Variants in SLC35A2 observed in about 807,000 individuals in gnomAD.
SLC35A2 encodes the protein solute carrier family 35 member A2.
In SLC35A2, 1 loss-of-function variant was observed where a neutral mutation model predicts 17.3. The ratio of observed to expected loss-of-function variants is 0.06; its 90% confidence interval spans 0.02 to 0.27. The LOEUF is 0.27. Ranked by LOEUF, SLC35A2 falls within the 10% of genes least tolerant of loss-of-function variation. The pLI, the probability that SLC35A2 is intolerant of heterozygous loss-of-function variation, is 1.00. For missense variants in SLC35A2, 191 were observed against 339.3 expected, an observed-to-expected ratio of 0.56 and a Z score of 3.43; for synonymous variants, 161 against 161.3, an observed-to-expected ratio of 1.00 and a Z score of 0.01.
At chrX:48,908,777 T>A in intron 2 of SLC35A2, among the ~76,000 whole-genome samples, 1 of 112,355 alleles carries the variant, frequency 8.9e-6, no homozygotes, top group East Asian at 2.8e-4. Context: ...AGGTCTCTTG[T>A]TAACCTGGAG....
chrX:48,910,214 C>T (rs1179916101), intron 1 of SLC35A2: 3 of 1,098,109 alleles, frequency 2.7e-6, no homozygotes, highest in Non-Finnish European at 3.7e-6. Flanking sequence ...AAATGGGCCC[C>T]ACCCTGTCCC....
In SLC35A2 at chrX:48,904,638, C is replaced by T. The variant is rs2063472088; in HGVS notation, c.1163+108G>A. ...ATCTCCCAAACCCAGAGGAGCCAGG[C>T]CCCGGAGGGTGGCGACTTGGGTCCT... is the stretch of plus-strand genomic sequence containing the variant. On this transcript the variant is annotated intron_variant, in intron 4 of 4. Coordinates refer to ENST00000247138, the MANE Select transcript of SLC35A2 (RefSeq NM_005660.3). 4 of 1,207,619 alleles carry T rather than the reference C, an allele frequency of 3.3e-6. No homozygotes were observed. The East Asian group carries it at 8.9e-5, about 27-fold the overall frequency.
In SLC35A2 at chrX:48,911,557, G is replaced by A. The variant is rs1557044056; in HGVS notation, c.80C>T (p.Thr27Ile). 2 of 1,162,448 alleles carry A rather than the reference G, an allele frequency of 1.7e-6. No homozygotes were observed. Among genetic ancestry groups the A allele is most frequent in the African/African-American group, 1.8e-5 (1 of 56,594 alleles). ...AVSAGALEPGTASAAHRRLKY... is the reference protein window; with the variant it reads ...AVSAGALEPGIASAAHRRLKY... ...GCAGACTGTCTCACCCGCACTGGCG[G>A]TCCCCGGCTCCAATGCACCCGCGGA... Residue 27 changes from threonine (T) to isoleucine (I), a missense_variant, in exon 1 of 5, where the codon ACC (threonine) becomes ATC (isoleucine). Thr to Ile is a moderately conservative substitution (Grantham distance 89, BLOSUM62 -1). This residue lies in a region of SLC35A2 where 164 missense variants were observed against 315.3 expected (regional missense o/e 0.52). Transcript: ENST00000247138.
chrX:48,905,805 T>G, intron 3 of SLC35A2: 1 of 306,555 alleles, frequency 3.3e-6, no homozygotes, highest in Non-Finnish European at 5.7e-6. Context: ...ATGGCTGAGG[T>G]ATGGAAGTAT....
chrX:48,904,545 G>A (rs782163618), intron 4 of SLC35A2: 2 of 1,171,169 alleles, frequency 1.7e-6, no homozygotes, highest in South Asian at 3.9e-5. Flanking sequence ...TACCAGGAAG[G>A]GTTCACGTGA....
intron 2 of SLC35A2, among the ~76,000 whole-genome samples, chrX:48,907,041 C>T (rs1417631274): frequency 9.2e-6 from 1 of 108,388 alleles, no homozygotes; most frequent in Non-Finnish European, 1.9e-5. Context: ...TGGTGGCAAG[C>T]GACTGTAATC....
chrX:48,908,057 C>G (rs1188677520), intron 2 of SLC35A2, among the ~76,000 whole-genome samples: 2 of 99,631 alleles, frequency 2.0e-5, no homozygotes, highest in Non-Finnish European at 4.0e-5. Context: ...GAATCATTTC[C>G]TATGTAACAA....
At chrX:48,910,279 G>T in intron 1 of SLC35A2, 1 of 1,145,818 alleles carries the variant, frequency 8.7e-7, no homozygotes, top group Non-Finnish European at 1.2e-6. Flanking sequence ...GGCAAACCCT[G>T]GCCACGCGCC....
intron 3 of SLC35A2, chrX:48,906,079 C>G: frequency 2.4e-6 from 1 of 409,023 alleles, no homozygotes; most frequent in Admixed American, 4.6e-5. Context: ...ACCCAGACAG[C>G]CTGGCCCCAG....
At chrX:48,910,417 T>A in intron 1 of SLC35A2, 1 of 525,733 alleles carries the variant, frequency 1.9e-6, no homozygotes, top group African/African-American at 2.4e-5. Context: ...ATTACCTCAA[T>A]AGACTCATAT....
At chrX:48,907,181 A>C (rs1557043246) in intron 2 of SLC35A2, among the ~76,000 whole-genome samples, 3 of 109,426 alleles carry the variant, frequency 2.7e-5, no homozygotes, top group Non-Finnish European at 3.8e-5. Context: ...AAAAAAAAAA[A>C]AAGAAAGAAA....
At chrX:48,911,818 G>C, upstream of SLC35A2, 1 of 1,167,396 alleles carries the variant, frequency 8.6e-7, no homozygotes, top group Admixed American at 2.6e-5. Context: ...AAATTCCGTC[G>C]GATCGGGAGG....
Position 48,904,694 on chromosome X carries a change from C to A in SLC35A2, c.1163+52G>T, listed in dbSNP as rs1469950566. The stretch of plus-strand genomic sequence containing the variant: ...TGCCCAACACCCTCCACCCCAGTCC[C>A]CCTCCCTTGTGTCCCCCCATTGCTG... On this transcript the variant is annotated intron_variant, in intron 4 of 4. Coordinates refer to ENST00000247138, the MANE Select transcript of SLC35A2 (RefSeq NM_005660.3). 2.5e-6 allele frequency: 3 copies of A among 1,211,177 alleles called. No homozygotes were observed. The East Asian group carries it at 8.9e-5, about 36-fold the overall frequency.
intron 2 of SLC35A2, among the ~76,000 whole-genome samples, chrX:48,907,739 G>C (rs961110966): frequency 3.6e-5 from 4 of 111,802 alleles, no homozygotes; most frequent in Non-Finnish European, 5.6e-5. Flanking sequence ...CATGATAATC[G>C]GGCTGGGCGC....
chrX:48,911,794 G>A (rs782632447), upstream of SLC35A2: 52 of 1,166,456 alleles, frequency 4.5e-5, no homozygotes, highest in Non-Finnish European at 5.8e-5. Context: ...TGTATGAATA[G>A]CCCCGGGATT....
upstream of SLC35A2, chrX:48,911,724 T>C (rs2063537717): frequency 2.6e-6 from 3 of 1,155,260 alleles, no homozygotes; most frequent in Non-Finnish European, 3.5e-6. Context: ...TGAGTGAAGG[T>C]GGAGCGAGAG....
In SLC35A2 at chrX:48,903,696, A is replaced by C. The variant is rs782667476; in HGVS notation, c.1164-231T>G. The C allele has an allele frequency of 2.1e-5, 21 of 992,262 alleles. 1 individual carries two copies. In the South Asian group the frequency reaches 5.4e-4, roughly 25 times the overall value. 81.8% of individuals were successfully genotyped at this position (992,262 alleles called of 1,213,427 possible). On this transcript the variant is annotated intron_variant, in intron 4 of 4. Coordinates refer to ENST00000247138, the MANE Select transcript of SLC35A2 (RefSeq NM_005660.3). ...TCCTTAAAAAACAAACCAAAAAATC[A>C]GAACAAATTAATCAAAAATAAAGAT...
chrX:48,910,544 T>A (rs929109699), intron 1 of SLC35A2, among the ~76,000 whole-genome samples: 21 of 111,136 alleles, frequency 1.9e-4, no homozygotes, highest in Non-Finnish European at 3.4e-4. Flanking sequence ...GAATAACACA[T>A]CAATGCAGGG....
intron 4 of SLC35A2, chrX:48,904,122 G>A: frequency 1.7e-5 from 13 of 768,562 alleles, no homozygotes; most frequent in Non-Finnish European, 2.0e-5. Flanking sequence ...AAGGGCTGAT[G>A]CAAAAATCTT....
Sources: allele counts gnomAD v4.1 joint callset (sites outside exome capture counted in the v4.1 genomes callset), GRCh38; gene constraint gnomAD v4.1.1; regional missense constraint gnomAD v4.1.1; transcripts MANE v1.5; gene names NCBI Gene and HGNC (gene_info 2026-07-23, HGNC 2026-07-21).